ZNF407: variants seen among roughly 807,000 people sequenced by gnomAD.
ZNF407 encodes zinc finger protein 407.
ZNF407 carries 17 observed loss-of-function variants against 131.2 expected under a neutral mutation model. That is an observed-to-expected ratio of 0.13 (90% CI 0.09 to 0.19). The LOEUF (loss-of-function observed/expected upper bound fraction) is 0.19, where lower values mean the gene tolerates loss of function less well. Ranked by LOEUF, ZNF407 falls within the 10% of genes least tolerant of loss-of-function variation. The pLI, the probability that ZNF407 is intolerant of heterozygous loss-of-function variation, is 1.00. For synonymous variants in ZNF407, 1,156 were observed against 1,062.0 expected (o/e 1.09, Z -1.72); for missense variants, 2,681 against 2,830.6 (o/e 0.95, Z 1.20).
intron 3 of ZNF407, among the ~76,000 whole-genome samples, chr18:74,767,044 T>C (rs1033336937): frequency 5.3e-5 from 8 of 152,180 alleles, no homozygotes; most frequent in Admixed American, 3.9e-4. Flanking sequence ...CCCAAGTAGC[T>C]GGTACCACAG....
Position 74,741,409 on chromosome 18 carries a change from A to G in ZNF407, c.4803-40019A>G, listed in dbSNP as rs374994029. The stretch of plus-strand genomic sequence containing the variant: ...ATACATGCATACAAATAATTTGGAT[A>G]ATCATATATTTACTTCTAAATTGTT... On this transcript the variant is annotated intron_variant, in intron 3 of 8. Transcript: ENST00000299687. Among the ~76,000 whole-genome samples, 11 of 152,284 alleles carry G rather than the reference A, an allele frequency of 7.2e-5. No individual in the cohort carries two copies. The East Asian group carries it at 2.1e-3, about 29-fold the overall frequency.
At chr18:74,822,811 A>G (rs541188042) in intron 4 of ZNF407, among the ~76,000 whole-genome samples, 3 of 152,316 alleles carry the variant, frequency 2.0e-5, no homozygotes, top group South Asian at 4.1e-4. Context: ...AAGAAACTCA[A>G]TGGTTGCTTT....
intron 4 of ZNF407, among the ~76,000 whole-genome samples, chr18:74,863,722 C>G (rs1453798816): frequency 6.6e-6 from 1 of 152,122 alleles, no homozygotes. Context: ...TTTTTCTATT[C>G]TAGTCTCACA....
intron 7 of ZNF407, among the ~76,000 whole-genome samples, chr18:74,904,488 C>T (rs750885759): frequency 9.2e-5 from 14 of 152,216 alleles, no homozygotes; most frequent in Non-Finnish European, 1.3e-4. Flanking sequence ...GACAGTCCAG[C>T]TTAGCCTTGT....
chr18:74,615,843 G>A (rs1254151016), intron 1 of ZNF407, among the ~76,000 whole-genome samples: 1 of 152,010 alleles, frequency 6.6e-6, no homozygotes, highest in Non-Finnish European at 1.5e-5. Context: ...AAGGTTGCCA[G>A]CAATGGGGAA....
At chr18:74,979,208 C>T (rs957612095) in intron 8 of ZNF407, among the ~76,000 whole-genome samples, 4 of 152,122 alleles carry the variant, frequency 2.6e-5, no homozygotes, top group Admixed American at 6.6e-5. Flanking sequence ...GCAATAGCTT[C>T]GTGGCCCTTA....
chr18:74,976,248 T>C (rs1038277529), intron 8 of ZNF407, among the ~76,000 whole-genome samples: 4 of 152,202 alleles, frequency 2.6e-5, no homozygotes, highest in Admixed American at 1.3e-4. Context: ...GTTTTCTCAT[T>C]AGTAGAGTAG....
chr18:74,715,169 A>T (rs1376997313), intron 3 of ZNF407, among the ~76,000 whole-genome samples: 1 of 152,130 alleles, frequency 6.6e-6, no homozygotes, highest in Admixed American at 6.5e-5. Context: ...CTTCCTAATG[A>T]TTTGGGTAAA....
intron 4 of ZNF407, among the ~76,000 whole-genome samples, chr18:74,850,072 G>C (rs960860701): frequency 5.9e-5 from 9 of 152,060 alleles, no homozygotes; most frequent in African/African-American, 2.2e-4. Flanking sequence ...ATGGTACATT[G>C]TTTCTTTGAT....
chr18:74,695,466 T>C (rs1967329711), intron 3 of ZNF407, among the ~76,000 whole-genome samples: 2 of 152,198 alleles, frequency 1.3e-5, no homozygotes, highest in South Asian at 4.1e-4. Flanking sequence ...TTCTTCATTC[T>C]TCCAAGCTGT....
chr18:74,805,379 C>T (rs988833923), intron 4 of ZNF407, among the ~76,000 whole-genome samples: 2 of 152,120 alleles, frequency 1.3e-5, no homozygotes, highest in African/African-American at 4.8e-5. Flanking sequence ...CTAAATTCTC[C>T]AGTTGAACTG....
intron 6 of ZNF407, among the ~76,000 whole-genome samples, chr18:74,883,696 C>T (rs1481848853): frequency 1.3e-5 from 2 of 152,174 alleles, no homozygotes; most frequent in Non-Finnish European, 2.9e-5. Context: ...CCATGAGACG[C>T]GGTCAGCCCG....
chr18:74,991,276 C>T (rs1352982164), intron 8 of ZNF407, among the ~76,000 whole-genome samples: 1 of 152,180 alleles, frequency 6.6e-6, no homozygotes, highest in Non-Finnish European at 1.5e-5. Flanking sequence ...TGTTTGTGTG[C>T]ACACACTTCG....
At chr18:74,762,359 AATT>A (rs1324029607) in intron 3 of ZNF407, among the ~76,000 whole-genome samples, 2 of 152,134 alleles carry the variant, frequency 1.3e-5, no homozygotes, top group Non-Finnish European at 2.9e-5. Flanking sequence ...TTCTAATTAA[AATT>A]ATTATGGACT....
chr18:74,874,315 T>C (rs1246050875), intron 4 of ZNF407, among the ~76,000 whole-genome samples: 2 of 152,186 alleles, frequency 1.3e-5, no homozygotes, highest in African/African-American at 4.8e-5. Context: ...TATAAAACAA[T>C]CTTCACTAGT....
intron 4 of ZNF407, among the ~76,000 whole-genome samples, chr18:74,787,211 T>C (rs1272189152): frequency 7.2e-5 from 11 of 152,204 alleles, no homozygotes. Context: ...AAGTGTTTAT[T>C]TTAGAAAATT....
intron 3 of ZNF407, among the ~76,000 whole-genome samples, chr18:74,720,014 A>G (rs1186252887): frequency 6.6e-6 from 1 of 151,982 alleles, no homozygotes; most frequent in Non-Finnish European, 1.5e-5. Context: ...ATGAATGTCC[A>G]GCAGTGGGAT....
intron 4 of ZNF407, among the ~76,000 whole-genome samples, chr18:74,830,432 G>A (rs913914841): frequency 3.9e-5 from 6 of 152,126 alleles, no homozygotes; most frequent in South Asian, 2.1e-4. Flanking sequence ...ACAGGACCAC[G>A]CCACCATGCC....
chr18:74,884,377 ATTG>A (rs1971279516), intron 6 of ZNF407, among the ~76,000 whole-genome samples: 1 of 152,194 alleles, frequency 6.6e-6, no homozygotes, highest in Non-Finnish European at 1.5e-5. Flanking sequence ...GAGTAATAGT[ATTG>A]AACATGTAAC....
Sources: gnomAD v4.1 joint callset for allele counts (sites outside exome capture counted in the v4.1 genomes callset) on GRCh38, gnomAD v4.1.1 for gene constraint, MANE v1.5 for transcripts, NCBI Gene and HGNC (gene_info 2026-07-23, HGNC 2026-07-21) for gene names.